The following EXOC4 variants were observed in gnomAD, a reference collection of about 807,000 sequenced individuals.
EXOC4 encodes the protein SEC8-like 1.
EXOC4 carries 71 observed loss-of-function variants against 107.2 expected under a neutral mutation model. That is an observed-to-expected ratio of 0.66 (90% CI 0.55 to 0.81). The LOEUF (loss-of-function observed/expected upper bound fraction) is 0.81. Ranked by LOEUF, EXOC4 falls within the 30% of genes least tolerant of loss-of-function variation. The pLI, the probability that EXOC4 is intolerant of heterozygous loss-of-function variation, is 0.00. For missense variants in EXOC4, 1,108 were observed against 1,189.6 expected, an observed-to-expected ratio of 0.93 and a Z score of 1.01; for synonymous variants, 456 against 441.2, an observed-to-expected ratio of 1.03 and a Z score of -0.42.
chr7:133,969,196 G>A (rs545677091), intron 14 of EXOC4, among the ~76,000 whole-genome samples: 133 of 152,230 alleles, frequency 8.7e-4, no homozygotes, highest in African/African-American at 3.0e-3. Flanking sequence ...CCATCAGGTC[G>A]TTTCTGTTCT....
chr7:133,859,148 A>G (rs572939163), intron 11 of EXOC4, among the ~76,000 whole-genome samples: 2 of 152,228 alleles, frequency 1.3e-5, no homozygotes, highest in African/African-American at 4.8e-5. Flanking sequence ...CCAAGCAGCC[A>G]TTAGAGGCAA....
At chr7:133,697,498 G>A (rs973351333) in intron 10 of EXOC4, among the ~76,000 whole-genome samples, 1 of 152,190 alleles carries the variant, frequency 6.6e-6, no homozygotes, top group Non-Finnish European at 1.5e-5. Context: ...CCAGAGGTGT[G>A]TAACTCCAGA....
At chr7:133,785,773 T>C (rs1265637302) in intron 10 of EXOC4, among the ~76,000 whole-genome samples, 1 of 151,886 alleles carries the variant, frequency 6.6e-6, no homozygotes, top group Non-Finnish European at 1.5e-5. Flanking sequence ...CCCGGGTTCA[T>C]GCCATTCTCC....
chr7:134,002,765 A>T (rs1285660233), intron 15 of EXOC4, among the ~76,000 whole-genome samples: 4 of 152,186 alleles, frequency 2.6e-5, no homozygotes, highest in African/African-American at 9.6e-5. Flanking sequence ...CCACAGTGAG[A>T]TACTGCTCTA....
At chr7:134,074,708 G>T in the EXOC4 span, among the ~76,000 whole-genome samples, 1 of 152,176 alleles carries the variant, frequency 6.6e-6, no homozygotes, top group African/African-American at 2.4e-5. Flanking sequence ...CTGTTAGACT[G>T]CCAAGTGGAG....
At chr7:133,928,514 G>T (rs1800101442) in intron 13 of EXOC4, among the ~76,000 whole-genome samples, 1 of 152,032 alleles carries the variant, frequency 6.6e-6, no homozygotes. Flanking sequence ...CCACTTCCTA[G>T]TCCACCATCC....
chr7:133,369,888 T>A (rs1420955986), intron 6 of EXOC4, among the ~76,000 whole-genome samples: 1 of 135,158 alleles, frequency 7.4e-6, no homozygotes, highest in Non-Finnish European at 1.5e-5. Context: ...TCACCCAACC[T>A]TTGCCTGCCG....
chr7:134,058,311 C>G (rs1360046655), intron 17 of EXOC4, among the ~76,000 whole-genome samples: 1 of 152,162 alleles, frequency 6.6e-6, no homozygotes, highest in African/African-American at 2.4e-5. Context: ...GACATTAATA[C>G]TAGAGCTTTA....
At chr7:133,260,137 A>G (rs1795110341) in intron 1 of EXOC4, among the ~76,000 whole-genome samples, 1 of 152,014 alleles carries the variant, frequency 6.6e-6, no homozygotes, top group East Asian at 1.9e-4. Flanking sequence ...TCAAAAACCA[A>G]TTTACTTTAT....
intron 17 of EXOC4, 100 bp from the exon 18 acceptor site, chr7:134,064,190 GA>G (rs1176334245): frequency 2.6e-5 from 18 of 695,108 alleles, no homozygotes; most frequent in Admixed American, 2.4e-4. Context: ...CAATCGTTAT[GA>G]AGTAAGTAGA....
intron 7 of EXOC4, among the ~76,000 whole-genome samples, chr7:133,436,567 A>G (rs559771212): frequency 1.3e-5 from 2 of 151,872 alleles, no homozygotes; most frequent in African/African-American, 4.8e-5. Context: ...ATACTTCTTT[A>G]CTAAAGCCTA....
chr7:133,729,429 A>G (rs1184664541), intron 10 of EXOC4, among the ~76,000 whole-genome samples: 1 of 152,158 alleles, frequency 6.6e-6, no homozygotes, highest in Admixed American at 6.5e-5. Context: ...CTAATATACA[A>G]ATCTTGCAAA....
chr7:133,406,740 A>T (rs962722645), intron 7 of EXOC4, among the ~76,000 whole-genome samples: 1 of 152,240 alleles, frequency 6.6e-6, no homozygotes, highest in Non-Finnish European at 1.5e-5. Context: ...GAAAGTTTTC[A>T]TTTAGGCAAC....
chr7:133,644,279 G>A (rs1220289938), intron 10 of EXOC4, among the ~76,000 whole-genome samples: 4 of 152,144 alleles, frequency 2.6e-5, no homozygotes, highest in Non-Finnish European at 5.9e-5. Flanking sequence ...TTGCTGCTCT[G>A]CCCTTGCTGT....
intron 9 of EXOC4, among the ~76,000 whole-genome samples, chr7:133,556,822 G>A (rs531803032): frequency 6.6e-6 from 1 of 152,250 alleles, no homozygotes; most frequent in East Asian, 1.9e-4. Flanking sequence ...TGATCTTCGG[G>A]GAATCTGTAC....
chr7:133,826,799 T>C (rs1470124082), intron 11 of EXOC4, among the ~76,000 whole-genome samples: 1 of 152,114 alleles, frequency 6.6e-6, no homozygotes, highest in Non-Finnish European at 1.5e-5. Flanking sequence ...CAATATTTTT[T>C]CCCCAGTTTA....
intron 17 of EXOC4, among the ~76,000 whole-genome samples, chr7:134,044,409 C>G (rs1460398217): frequency 1.3e-5 from 2 of 152,212 alleles, no homozygotes; most frequent in Non-Finnish European, 2.9e-5. Flanking sequence ...CCACCGTCTT[C>G]TGCAGGATTT....
intron 10 of EXOC4, among the ~76,000 whole-genome samples, chr7:133,669,047 A>G (rs1386891538): frequency 9.5e-5 from 11 of 116,252 alleles, no homozygotes; most frequent in African/African-American, 3.2e-4. Flanking sequence ...ACTCTATTCT[A>G]TTTACTTCCC....
the EXOC4 span, among the ~76,000 whole-genome samples, chr7:134,080,613 A>G: frequency 2.6e-5 from 4 of 151,994 alleles, no homozygotes; most frequent in Admixed American, 6.6e-5. Flanking sequence ...TGGTAGTAAT[A>G]CGGATGGAGG....
Sources: gnomAD v4.1 joint callset for allele counts (sites outside exome capture counted in the v4.1 genomes callset) on GRCh38, gnomAD v4.1.1 for gene constraint, MANE v1.5 for transcripts, NCBI Gene and HGNC (gene_info 2026-07-23, HGNC 2026-07-21) for gene names.